Variants in NKD1 observed in about 807,000 individuals in gnomAD.
The protein encoded by NKD1 is NKD inhibitor of Wnt signaling pathway 1, also known as protein naked cuticle homolog 1.
A neutral mutation model predicts 56.0 loss-of-function variants in NKD1; 21 were observed. The observed-to-expected ratio is 0.38, with a 90% CI of 0.27 to 0.54. NKD1 has a LOEUF of 0.54. NKD1 is among the 20% of genes least tolerant of loss of function. The pLI is 0.82. For synonymous variants in NKD1, 263 were observed against 265.7 expected, an observed-to-expected ratio of 0.99 and a Z score of 0.10; for missense variants, 578 against 642.7, an observed-to-expected ratio of 0.90 and a Z score of 1.09.
At chr16:50,625,961 C>A (rs962162667) in intron 6 of NKD1, among the ~76,000 whole-genome samples, 2 of 152,248 alleles carry the variant, frequency 1.3e-5, no homozygotes, top group African/African-American at 4.8e-5. Context: ...GCTGGCACCA[C>A]CACAGGCCAC....
intron 3 of NKD1, among the ~76,000 whole-genome samples, chr16:50,589,754 C>A (rs1961317074): frequency 1.1e-5 from 1 of 88,014 alleles, no homozygotes; most frequent in Non-Finnish European, 2.3e-5. Context: ...CTTCTCTTCT[C>A]TTCTCTTCTC....
chr16:50,579,468 G>C (rs113976571), intron 3 of NKD1, among the ~76,000 whole-genome samples: 536 of 51,734 alleles, frequency 0.01, 1 homozygote, highest in Middle Eastern at 0.019. Context: ...CACTGTCTTA[G>C]TCCTGCGGGC....
intron 3 of NKD1, chr16:50,606,576 T>C (rs1961714416): frequency 2.9e-6 from 1 of 350,322 alleles, no homozygotes; most frequent in Non-Finnish European, 5.7e-6. Flanking sequence ...CTTGAGCACA[T>C]GCGGTCATTG....
chr16:50,604,033 T>C lies in NKD1; in HGVS notation c.193-4261T>C, dbSNP rs1961652732. On this transcript the variant is annotated intron_variant, in intron 3 of 9. Coordinates refer to ENST00000268459, the MANE Select transcript of NKD1 (RefSeq NM_033119.5). ...ACCCAGGAAGGTCTTTGATCAGAAC[T>C]TGCAGCAGAGGCTAAGGCCCACTGT... Among the ~76,000 whole-genome samples the C allele has an allele frequency of 2.6e-5, 4 of 152,168 alleles. No homozygotes were observed. In the South Asian group the frequency reaches 8.3e-4, roughly 31 times the overall value.
rs138964473 is a variant in NKD1, at chr16:50,598,262, T to TGTGCGTGCGCGC, written c.193-10031_193-10030insTGCGTGCGCGCG. 6.7e-6 allele frequency among the ~76,000 whole-genome samples: 1 copy of TGTGCGTGCGCGC among 148,572 alleles called. No homozygotes were observed. Among genetic ancestry groups the TGTGCGTGCGCGC allele is most frequent in the African/African-American group, 2.6e-5 (1 of 39,058 alleles). ...GTGTGTGTGTGTGTGTGTGTGTGTG[T>TGTGCGTGCGCGC]GCGCGCACACCTGTGCTCATGGACA... On this transcript the variant is annotated intron_variant, in intron 3 of 9. Transcript: ENST00000268459. This position sits in a 1 kb window ranked among gnomAD's most constrained non-coding sequence, Gnocchi z 4.2.
At chr16:50,575,975 G>A (rs541091438) in intron 3 of NKD1, among the ~76,000 whole-genome samples, 1 of 152,202 alleles carries the variant, frequency 6.6e-6, no homozygotes, top group Non-Finnish European at 1.5e-5. Flanking sequence ...GCAACAAAGA[G>A]TGACCTTGGC....
chr16:50,565,033 GT>G (rs1960727387), intron 3 of NKD1, among the ~76,000 whole-genome samples: 1 of 152,158 alleles, frequency 6.6e-6, no homozygotes, highest in Non-Finnish European at 1.5e-5. Context: ...GGAAGCATTG[GT>G]ATTTGCAGGT....
chr16:50,592,534 A>G (rs924987886), intron 3 of NKD1, among the ~76,000 whole-genome samples: 4 of 152,154 alleles, frequency 2.6e-5, no homozygotes, highest in Non-Finnish European at 5.9e-5. Context: ...CCAGCTCTGT[A>G]AGGGCCTTCA....
At chr16:50,597,808 A>G (rs996691454) in intron 3 of NKD1, among the ~76,000 whole-genome samples, 6 of 152,126 alleles carry the variant, frequency 3.9e-5, no homozygotes, top group African/African-American at 1.4e-4. Context: ...AGATGTGGCC[A>G]CTGAGGCTTT....
rs891723072 is a variant in NKD1 at position 50,563,002 on chromosome 16, G to A, written c.192+13447G>A. ...CCCACCACCACCCCCCCCCCCCGCC[G>A]TAGAATGGGTAGAAGAAGGGGCTGT... On this transcript the variant is annotated intron_variant, in intron 3 of 9. Transcript: ENST00000268459. Among the ~76,000 whole-genome samples the A allele has an allele frequency of 7.4e-4, 23 of 31,102 alleles. No homozygotes were observed. The East Asian group carries it at 8.1e-3, about 11-fold the overall frequency. 20.4% of individuals were successfully genotyped at this position (31,102 alleles called of 152,430 possible).
chr16:50,562,599 C>A (rs961255996), intron 3 of NKD1, among the ~76,000 whole-genome samples: 1 of 152,062 alleles, frequency 6.6e-6, no homozygotes, highest in African/African-American at 2.4e-5. Context: ...TCGATGCGGC[C>A]GAGGACCACC....
At chr16:50,599,490 T>C (rs1316327679) in intron 3 of NKD1, among the ~76,000 whole-genome samples, 1 of 152,170 alleles carries the variant, frequency 6.6e-6, no homozygotes, top group Non-Finnish European at 1.5e-5. Flanking sequence ...CTCAGTTTCC[T>C]CATGGCCAAA....
chr16:50,556,750 T>TTA (rs1960512920), intron 3 of NKD1: 2 of 150,036 alleles, frequency 1.3e-5, no homozygotes, highest in Non-Finnish European at 3.0e-5. Context: ...TTTTTTTTTT[T>TTA]AAATTTAGAG....
intron 3 of NKD1, among the ~76,000 whole-genome samples, chr16:50,587,357 ATG>A (rs766594019): frequency 2.4e-4 from 37 of 152,306 alleles, no homozygotes; most frequent in Admixed American, 2.0e-4. Flanking sequence ...TTCTTTATAT[ATG>A]AGATTTTGTT....
chr16:50,614,973 C>T (rs1203599585), intron 4 of NKD1, among the ~76,000 whole-genome samples: 1 of 152,174 alleles, frequency 6.6e-6, no homozygotes, highest in East Asian at 1.9e-4. Context: ...CTAGGACCAG[C>T]CACGTGGCCT....
rs146764647 is a variant in NKD1, at chr16:50,587,498, C to T, written c.193-20796C>T. On this transcript the variant is annotated intron_variant, in intron 3 of 9. Transcript: ENST00000268459. Reference sequence around the variant, plus strand: ...GGAAAAGCATTATCTAGGCTTTCCACGTAACTTTTGTTCTCTGGCTTCTAT... The same window carrying T: ...GGAAAAGCATTATCTAGGCTTTCCATGTAACTTTTGTTCTCTGGCTTCTAT... Among the ~76,000 whole-genome samples the T allele has an allele frequency of 4.9e-3, 741 of 152,314 alleles. 4 individuals carry two copies. The highest frequency in any genetic ancestry group is 0.016 in the African/African-American group (673 of 41,560).
At chr16:50,589,646 C>A (rs367553738) in intron 3 of NKD1, among the ~76,000 whole-genome samples, 13 of 152,240 alleles carry the variant, frequency 8.5e-5, no homozygotes, top group East Asian at 5.8e-4. Context: ...ATAAAGGCAG[C>A]GGGCAAATGG....
At chr16:50,567,662 T>A (rs1216883515) in intron 3 of NKD1, among the ~76,000 whole-genome samples, 1 of 152,026 alleles carries the variant, frequency 6.6e-6, no homozygotes, top group Non-Finnish European at 1.5e-5. Context: ...TTTGGCAGAG[T>A]CCCCGATCTC....
chr16:50,606,952 TCC>T (rs35849165), intron 3 of NKD1: 1 of 456,728 alleles, frequency 2.2e-6, no homozygotes, highest in Non-Finnish European at 4.4e-6. Flanking sequence ...GTCTCCCAGC[TCC>T]CCTGTCAACT....
Sources: allele counts gnomAD v4.1 joint callset (sites outside exome capture counted in the v4.1 genomes callset), GRCh38; gene constraint gnomAD v4.1.1; non-coding constraint Gnocchi (gnomAD v3.1); transcripts MANE v1.5; gene names NCBI Gene and HGNC (gene_info 2026-07-23, HGNC 2026-07-21).